The following CADM2 variants were observed in gnomAD, a reference collection of about 807,000 sequenced individuals.
The protein encoded by CADM2 is cell adhesion molecule 2, also known as immunoglobulin superfamily member 4D.
A neutral mutation model predicts 49.8 loss-of-function variants in CADM2; 12 were observed. That is an observed-to-expected ratio of 0.24 (90% CI 0.15 to 0.39). The LOEUF (loss-of-function observed/expected upper bound fraction) is 0.39, where lower values mean the gene tolerates loss of function less well. CADM2 is among the 10% of genes least tolerant of loss of function. CADM2 has a pLI of 1.00. For missense variants in CADM2, 378 were observed against 492.3 expected (o/e 0.77, Z 2.20); for synonymous variants, 214 against 175.4 (o/e 1.22, Z -1.74).
intron 2 of CADM2, chr3:85,800,824 G>T (rs1214004823): frequency 4.6e-5 from 7 of 152,340 alleles, no homozygotes; most frequent in African/African-American, 1.7e-4. Context: ...GTCTCACTGG[G>T]AGCTGCAGAC....
intron 1 of CADM2, among the ~76,000 whole-genome samples, chr3:85,711,594 A>G (rs1051333027): frequency 2.0e-5 from 3 of 152,086 alleles, no homozygotes; most frequent in African/African-American, 7.2e-5. Flanking sequence ...ATCTTTTCCA[A>G]TTTACATTCT....
At chr3:86,041,300 A>G (rs1465590006) in intron 8 of CADM2, among the ~76,000 whole-genome samples, 3 of 152,206 alleles carry the variant, frequency 2.0e-5, no homozygotes, top group Non-Finnish European at 4.4e-5. Flanking sequence ...TTGGATAAAG[A>G]GTCAAGACCC....
At chr3:85,760,014 C>A (rs1461673173) in intron 2 of CADM2, among the ~76,000 whole-genome samples, 3 of 152,068 alleles carry the variant, frequency 2.0e-5, no homozygotes, top group Non-Finnish European at 4.4e-5. Context: ...TCCAGTACTT[C>A]TTTTCTTAAT....
rs755033864 is a variant in CADM2, at chr3:85,658,617, T to TAC, written c.62-67903_62-67902dup. On this transcript the variant is annotated intron_variant, in intron 1 of 9. Transcript: ENST00000383699. ...ATATATATATATATATATATATATA[T>TAC]ACATGTATGCATATGTTTGTTTATG... is the stretch of plus-strand genomic sequence containing the variant. 8.7e-3 allele frequency among the ~76,000 whole-genome samples: 1,087 copies of TAC among 124,990 alleles called. 17 individuals carry two copies. The highest frequency in any genetic ancestry group is 0.033 in the East Asian group (135 of 4,114). The allele number at this position is 124,990 out of a possible 152,430, so 82.0% of individuals were successfully genotyped here. A position where few individuals can be genotyped will look rare whatever the true frequency, so the allele number is the denominator to read the frequency against.
At chr3:85,233,434 C>T (rs755526803) in intron 1 of CADM2, among the ~76,000 whole-genome samples, 2 of 151,992 alleles carry the variant, frequency 1.3e-5, no homozygotes, top group Non-Finnish European at 2.9e-5. Flanking sequence ...AACTCATGTG[C>T]CACACTAATG....
Position 86,072,046 on chromosome 3 carries a change from T to A in CADM2, c.*5263T>A, listed in dbSNP as rs1703312739. 1 of 151,890 alleles carries A rather than the reference T, an allele frequency of 6.6e-6. No individual in the cohort carries two copies. Among genetic ancestry groups the A allele is most frequent in the Admixed American group, 6.6e-5 (1 of 15,190 alleles). 9.4% of individuals were successfully genotyped at this position (151,890 alleles called of 1,614,324 possible). ...TTATTAATAAATAATCCTCATATAA[T>A]GCACAGTATTGCCACAAATGCCCAC... On this transcript the variant is annotated 3_prime_UTR_variant, in exon 10 of 10. Transcript: ENST00000383699.
intron 1 of CADM2, among the ~76,000 whole-genome samples, chr3:85,227,339 T>C (rs2042184772): frequency 6.6e-6 from 1 of 152,172 alleles, no homozygotes; most frequent in African/African-American, 2.4e-5. Flanking sequence ...TTGAGACAGT[T>C]AGCTTTTCTT....
At chr3:85,947,395 G>C (rs1293801308) in intron 7 of CADM2, among the ~76,000 whole-genome samples, 1 of 151,690 alleles carries the variant, frequency 6.6e-6, no homozygotes, top group South Asian at 2.1e-4. Context: ...ATGTGTGTGT[G>C]TGTCTGTGTG....
At chr3:85,845,174 A>G (rs1282691015) in intron 3 of CADM2, among the ~76,000 whole-genome samples, 4 of 147,018 alleles carry the variant, frequency 2.7e-5, no homozygotes, top group Non-Finnish European at 4.5e-5. Flanking sequence ...AAAAAAAAAA[A>G]GAAGAGCAAA....
At chr3:85,902,414 A>G (rs1349240349) in intron 5 of CADM2, among the ~76,000 whole-genome samples, 1 of 151,544 alleles carries the variant, frequency 6.6e-6, no homozygotes, top group Non-Finnish European at 1.5e-5. Flanking sequence ...CTTTAAATCT[A>G]AAGTGTGTCT....
At chr3:85,179,381 A>G (rs929763790) in intron 1 of CADM2, among the ~76,000 whole-genome samples, 9 of 152,056 alleles carry the variant, frequency 5.9e-5, no homozygotes, top group African/African-American at 1.7e-4. Flanking sequence ...TATAATGTGC[A>G]TGAGATTTAA....
intron 1 of CADM2, among the ~76,000 whole-genome samples, chr3:85,653,647 G>A (rs759345402): frequency 3.3e-5 from 5 of 151,840 alleles, no homozygotes; most frequent in Admixed American, 2.0e-4. Context: ...TATATAAGTC[G>A]GGAGTTCAGG....
intron 8 of CADM2, among the ~76,000 whole-genome samples, chr3:85,975,364 G>A (rs1726648407): frequency 6.7e-6 from 1 of 149,826 alleles, no homozygotes; most frequent in African/African-American, 2.5e-5. Context: ...GAAAACTATT[G>A]TTAGATTAGA....
At chr3:85,853,596 C>T (rs1034755918) in intron 3 of CADM2, among the ~76,000 whole-genome samples, 1 of 149,812 alleles carries the variant, frequency 6.7e-6, no homozygotes, top group African/African-American at 2.5e-5. Context: ...TGTAATACTT[C>T]GAAAAAGAGA....
chr3:85,494,307 T>C (rs914726626), intron 1 of CADM2, among the ~76,000 whole-genome samples: 13 of 152,198 alleles, frequency 8.5e-5, no homozygotes, highest in Admixed American at 7.2e-4. Flanking sequence ...AGTCAAAATA[T>C]AATTATTTTA....
chr3:85,042,068 T>C (rs938710695), intron 1 of CADM2, among the ~76,000 whole-genome samples: 1 of 152,186 alleles, frequency 6.6e-6, no homozygotes, highest in Non-Finnish European at 1.5e-5. Flanking sequence ...TTACCCTACA[T>C]TACCCTATCA....
intron 1 of CADM2, among the ~76,000 whole-genome samples, chr3:85,668,020 G>GTAGA (rs2065623164): frequency 6.6e-6 from 1 of 151,930 alleles, no homozygotes; most frequent in African/African-American, 2.4e-5. Flanking sequence ...TTGACTCATA[G>GTAGA]TAGACCTTCA....
chr3:85,912,642 C>T (rs1008680142), intron 6 of CADM2, 99 bp downstream of exon 6: 58 of 1,188,122 alleles, frequency 4.9e-5, no homozygotes, highest in Non-Finnish European at 6.7e-5. Flanking sequence ...AGCAAAGGTG[C>T]AGTAAAATCC....
intron 3 of CADM2, among the ~76,000 whole-genome samples, chr3:85,844,053 T>C (rs2074765628): frequency 6.6e-6 from 1 of 152,076 alleles, no homozygotes; most frequent in South Asian, 2.1e-4. Flanking sequence ...TCTCATCTGA[T>C]AGGGGACTGA....
Sources: gnomAD v4.1 joint callset for allele counts (sites outside exome capture counted in the v4.1 genomes callset) on GRCh38, gnomAD v4.1.1 for gene constraint, MANE v1.5 for transcripts, NCBI Gene and HGNC (gene_info 2026-07-23, HGNC 2026-07-21) for gene names.